Variants in LHFPL3 observed in about 807,000 individuals in gnomAD.
LHFPL3 encodes LHFPL tetraspan subfamily member 3.
Under a neutral mutation model 19.3 loss-of-function variants are expected in LHFPL3, and 5 were observed. The observed-to-expected ratio is 0.26, with a 90% CI of 0.14 to 0.54. LHFPL3 has a LOEUF of 0.54. Among genes scored for constraint, LHFPL3 ranks in the 20% least tolerant of loss-of-function variants. The pLI is 0.94. For missense variants in LHFPL3, 249 were observed against 307.4 expected, an observed-to-expected ratio of 0.81 and a Z score of 1.42; for synonymous variants, 133 against 126.2, an observed-to-expected ratio of 1.05 and a Z score of -0.36.
intron 1 of LHFPL3, among the ~76,000 whole-genome samples, chr7:104,372,762 T>C (rs767974732): frequency 6.6e-6 from 1 of 152,170 alleles, no homozygotes; most frequent in African/African-American, 2.4e-5. Flanking sequence ...ATAAATATCC[T>C]TGTATGGTGA....
chr7:104,398,663 C>T (rs1253993266), intron 1 of LHFPL3, among the ~76,000 whole-genome samples: 1 of 152,162 alleles, frequency 6.6e-6, no homozygotes, highest in East Asian at 1.9e-4. Flanking sequence ...AAATTCCCAG[C>T]ATCTTCCAGC....
intron 1 of LHFPL3, among the ~76,000 whole-genome samples, chr7:104,704,697 G>A (rs559773788): frequency 6.6e-6 from 1 of 151,004 alleles, no homozygotes; most frequent in Non-Finnish European, 1.5e-5. Flanking sequence ...GTGCAATGGC[G>A]TGATCACGGC....
chr7:104,370,605 G>A (rs369797381), intron 1 of LHFPL3, among the ~76,000 whole-genome samples: 6 of 152,180 alleles, frequency 3.9e-5, no homozygotes, highest in African/African-American at 9.7e-5. Flanking sequence ...GGATAGGGCC[G>A]GATGTGGTGG....
At chr7:104,430,425 T>TGTATATATATATAC (rs1791962265) in intron 1 of LHFPL3, among the ~76,000 whole-genome samples, 1 of 12,274 alleles carries the variant, frequency 8.1e-5, no homozygotes, top group Non-Finnish European at 1.8e-4. Flanking sequence ...TATACATATA[T>TGTATATATATATAC]ATATATATAT....
intron 2 of LHFPL3, among the ~76,000 whole-genome samples, chr7:104,850,045 G>A (rs1461695528): frequency 1.3e-5 from 2 of 152,234 alleles, no homozygotes; most frequent in African/African-American, 4.8e-5. Context: ...GCTCACGCCT[G>A]TAATCCCAGC....
intron 2 of LHFPL3, among the ~76,000 whole-genome samples, chr7:104,758,097 A>G (rs1794315982): frequency 6.6e-6 from 1 of 152,206 alleles, no homozygotes; most frequent in African/African-American, 2.4e-5. Context: ...GCGAATTAAC[A>G]GAGGAACAAA....
intron 2 of LHFPL3, among the ~76,000 whole-genome samples, chr7:104,822,531 A>G (rs1488981102): frequency 7.2e-5 from 11 of 152,144 alleles, no homozygotes. Flanking sequence ...TCCCCCTACT[A>G]GAAGCCAGTA....
chr7:104,888,958 A>G (rs766348882), intron 2 of LHFPL3, among the ~76,000 whole-genome samples: 4 of 152,228 alleles, frequency 2.6e-5, no homozygotes, highest in Non-Finnish European at 5.9e-5. Context: ...AAGAAGTTAC[A>G]TGATAGCTTC....
intron 1 of LHFPL3, among the ~76,000 whole-genome samples, chr7:104,615,933 A>ATGTGAAGGATCTCTTCGT (rs1406736343): frequency 6.6e-6 from 1 of 152,178 alleles, no homozygotes; most frequent in Non-Finnish European, 1.5e-5. Context: ...CCTGCAAGGG[A>ATGTGAAGGATCTCTTCGT]TGTGAAGGAT....
chr7:104,785,556 A>G (rs1319350008), intron 2 of LHFPL3, among the ~76,000 whole-genome samples: 1 of 152,210 alleles, frequency 6.6e-6, no homozygotes, highest in African/African-American at 2.4e-5. Flanking sequence ...AAGTTCTCCA[A>G]TGGGAATAAA....
chr7:104,637,927 A>G (rs1345658203), intron 1 of LHFPL3, among the ~76,000 whole-genome samples: 2 of 150,882 alleles, frequency 1.3e-5, no homozygotes, highest in African/African-American at 4.9e-5. Flanking sequence ...TCCCGTGAAG[A>G]ATGTCATTGG....
intron 1 of LHFPL3, among the ~76,000 whole-genome samples, chr7:104,344,799 G>A (rs1790032836): frequency 6.6e-6 from 1 of 152,156 alleles, no homozygotes; most frequent in African/African-American, 2.4e-5. Flanking sequence ...TGGGTTTGCT[G>A]GATCAAATGG....
chr7:104,688,563 C>T (rs1288699168), intron 1 of LHFPL3, among the ~76,000 whole-genome samples: 3 of 113,268 alleles, frequency 2.6e-5, no homozygotes, highest in Non-Finnish European at 5.9e-5. Flanking sequence ...AAACAGCCTC[C>T]CCACCCCCCT....
chr7:104,672,117 G>A (rs61162402), intron 1 of LHFPL3, among the ~76,000 whole-genome samples: 10,702 of 151,282 alleles, frequency 0.071, 634 homozygotes, highest in African/African-American at 0.16. Context: ...TAAATTTTCT[G>A]TGTAGTAGGG....
intron 1 of LHFPL3, among the ~76,000 whole-genome samples, chr7:104,575,559 T>TAAAAAAAACA (rs1790319651): frequency 2.8e-5 from 1 of 36,150 alleles, no homozygotes; most frequent in East Asian, 9.8e-4. Flanking sequence ...CAAAGAGATC[T>TAAAAAAAACA]AAAAAAAAAA....
At chr7:104,726,055 C>CAAAAAAAAAAAA (rs56697785) in intron 1 of LHFPL3, among the ~76,000 whole-genome samples, 3 of 75,090 alleles carry the variant, frequency 4.0e-5, no homozygotes, top group African/African-American at 5.4e-5. Flanking sequence ...CCATCTCAGG[C>CAAAAAAAAAAAA]AAAAAAAAAA....
intron 1 of LHFPL3, among the ~76,000 whole-genome samples, chr7:104,678,690 G>A (rs1253623139): frequency 1.3e-5 from 2 of 152,074 alleles, no homozygotes; most frequent in Non-Finnish European, 2.9e-5. Flanking sequence ...TGAAATAATG[G>A]CAGAAGTATT....
At chr7:104,806,119 T>A (rs749641035) in intron 2 of LHFPL3, among the ~76,000 whole-genome samples, 10 of 152,224 alleles carry the variant, frequency 6.6e-5, no homozygotes, top group Non-Finnish European at 1.5e-4. Context: ...GTCTGTCACA[T>A]GGCTGTGGCT....
At chr7:104,498,742 T>A (rs1793540328) in intron 1 of LHFPL3, among the ~76,000 whole-genome samples, 1 of 152,116 alleles carries the variant, frequency 6.6e-6, no homozygotes, top group African/African-American at 2.4e-5. Flanking sequence ...CCTTCCAAAG[T>A]GTTGGGATTA....
Sources: allele counts gnomAD v4.1 joint callset (sites outside exome capture counted in the v4.1 genomes callset), GRCh38; gene constraint gnomAD v4.1.1; transcripts MANE v1.5; gene names NCBI Gene and HGNC (gene_info 2026-07-23, HGNC 2026-07-21).